Variants in MYH11 observed in about 807,000 individuals in gnomAD.
MYH11 encodes myosin heavy chain 11.
A neutral mutation model predicts 246.6 loss-of-function variants in MYH11; 80 were observed. The ratio of observed to expected loss-of-function variants is 0.32; its 90% confidence interval spans 0.27 to 0.39. MYH11 has a LOEUF of 0.39. MYH11 is among the 10% of genes least tolerant of loss of function. The pLI is 1.00. For missense variants in MYH11, 2,158 were observed against 2,546.8 expected (o/e 0.85, Z 3.29); for synonymous variants, 1,071 against 1,015.5 (o/e 1.05, Z -1.04).
rs2040650791 is a variant in MYH11 at position 15,724,533 on chromosome 16, GCTGGGGGGT to G, written c.4116+105_4116+113del. On this transcript the variant is annotated intron_variant, in intron 30 of 40. Transcript: ENST00000300036. ...TTGGAGAAACCCAATAGCAGGGGAAGCTGGGGGGTCAAGCACCATCGCACCAACACTCCA... is the reference window on the plus strand; with the variant it reads ...TTGGAGAAACCCAATAGCAGGGGAAGCAAGCACCATCGCACCAACACTCCA... 1.9e-6 allele frequency: 3 copies of G among 1,606,138 alleles called. No individual in the cohort carries two copies. In the African/African-American group the frequency reaches 4.0e-5, roughly 21 times the overall value.
At position 15,821,866 on chromosome 16, in the gene MYH11, C is replaced by T. The variant is rs577674751; in HGVS notation, c.502+1389G>A. Among the ~76,000 whole-genome samples, 15 of 147,136 alleles carry T rather than the reference C, an allele frequency of 1.0e-4. 1 individual carries two copies. The highest frequency in any genetic ancestry group is 3.5e-4 in the African/African-American group (14 of 39,822). ...CCGGGAAGCGGAGCTTGCAGTGAGC[C>T]GAGATTGCGCCACTGCAGTCCGCAG... On this transcript the variant is annotated intron_variant, in intron 3 of 40. Coordinates refer to ENST00000300036, the MANE Select transcript of MYH11 (RefSeq NM_002474.3).
At chr16:15,778,953 G>C (rs879185698) in intron 6 of MYH11, 110 bp from the exon 7 acceptor site, 3 of 1,067,450 alleles carry the variant, frequency 2.8e-6, no homozygotes, top group Non-Finnish European at 4.4e-6. Context: ...GTGGGGCGGG[G>C]AGATTCTTGC....
intron 2 of MYH11, among the ~76,000 whole-genome samples, chr16:15,837,538 CTTT>C (rs11371178): frequency 1.5e-5 from 2 of 137,240 alleles, no homozygotes; most frequent in Admixed American, 7.5e-5. Flanking sequence ...CTCCCATTTC[CTTT>C]TTTTTTTTTT....
chr16:15,774,079 T>A (rs1392081426), intron 8 of MYH11, among the ~76,000 whole-genome samples: 2 of 152,216 alleles, frequency 1.3e-5, no homozygotes. Flanking sequence ...CAAGGTCTTT[T>A]ATGGGTCAAG....
intron 37 of MYH11, 71 bp from the exon 38 acceptor site, chr16:15,717,419 T>C (rs1484449617): frequency 1.3e-6 from 2 of 1,536,968 alleles, no homozygotes; most frequent in African/African-American, 2.7e-5. Flanking sequence ...ACCATGCCTC[T>C]TCCTGCCTTG....
intron 3 of MYH11, among the ~76,000 whole-genome samples, chr16:15,801,198 T>A (rs796179298): frequency 1.4e-4 from 21 of 152,204 alleles, no homozygotes; most frequent in African/African-American, 5.1e-4. Flanking sequence ...AGAGCAAGAC[T>A]CTGTTTCAAA....
intron 1 of MYH11, among the ~76,000 whole-genome samples, chr16:15,855,907 TAA>T (rs1944383395): frequency 6.6e-6 from 1 of 152,220 alleles, no homozygotes; most frequent in Non-Finnish European, 1.5e-5. Context: ...ATACTGCAAC[TAA>T]ACACTCCCAC....
At chr16:15,803,233 G>A (rs1205855012) in intron 3 of MYH11, among the ~76,000 whole-genome samples, 1 of 151,944 alleles carries the variant, frequency 6.6e-6, no homozygotes, top group Non-Finnish European at 1.5e-5. Flanking sequence ...TCCACCCAGG[G>A]GGAGAAATTC....
At position 15,843,964 on chromosome 16, in the gene MYH11, G is replaced by A. The variant is rs543746577; in HGVS notation, c.-17-5695C>T. 2.3e-3 allele frequency among the ~76,000 whole-genome samples: 343 copies of A among 152,138 alleles called. 5 individuals carry two copies. The highest frequency in any genetic ancestry group is 8.0e-3 in the African/African-American group (331 of 41,502). On this transcript the variant is annotated intron_variant, in intron 1 of 40. Coordinates refer to ENST00000300036, the MANE Select transcript of MYH11 (RefSeq NM_002474.3). Reference sequence around the variant, plus strand: ...TGTGGAATTTTTAAGGGATGGGTCCGCCTGCCATCACCTAAATCTACTAAT... The same window carrying A: ...TGTGGAATTTTTAAGGGATGGGTCCACCTGCCATCACCTAAATCTACTAAT...
At chr16:15,718,619 G>T (rs867519003) in intron 36 of MYH11, 181 bp from the exon 37 acceptor site, 2 of 919,382 alleles carry the variant, frequency 2.2e-6, no homozygotes, top group Non-Finnish European at 3.2e-6. Flanking sequence ...CCGGGACTCA[G>T]GCCGGGTCCG....
chr16:15,715,294 G>T, intron 38 of MYH11, 22 bp from the exon 39 acceptor site: 2 of 1,613,376 alleles, frequency 1.2e-6, no homozygotes, highest in Non-Finnish European at 1.7e-6. Context: ...AAGGAAAACA[G>T]GTGGTTTCAG....
intron 25 of MYH11, among the ~76,000 whole-genome samples, chr16:15,736,377 C>G (rs547362874): frequency 6.6e-6 from 1 of 152,264 alleles, no homozygotes; most frequent in African/African-American, 2.4e-5. Context: ...CTCCTGGGCT[C>G]AAGTGATCCT....
chr16:15,761,598 G>A (rs922671051), intron 10 of MYH11, among the ~76,000 whole-genome samples: 1 of 152,138 alleles, frequency 6.6e-6, no homozygotes, highest in African/African-American at 2.4e-5. Context: ...TCTTCCTGTC[G>A]CCCGGGCTGA....
chr16:15,776,002 C>A, intron 8 of MYH11, 76 bp downstream of exon 8: 3 of 1,089,532 alleles, frequency 2.8e-6, no homozygotes, highest in Non-Finnish European at 4.3e-6. Flanking sequence ...GTTTTAATAG[C>A]CAATCCCTTA....
At position 15,821,996 on chromosome 16, in the gene MYH11, T is replaced by C. The variant is rs566018893; in HGVS notation, c.502+1259A>G. 3.0e-3 allele frequency among the ~76,000 whole-genome samples: 452 copies of C among 152,224 alleles called. 2 individuals are homozygous for C. Among genetic ancestry groups the C allele is most frequent in the African/African-American group, 9.8e-3 (407 of 41,542 alleles). ...ACAACCTGAGATTACAGCTCCAAGA[T>C]TGCCTTTGCAAGGCTCCACCTGCTG... On this transcript the variant is annotated intron_variant, in intron 3 of 40. Coordinates refer to ENST00000300036, the MANE Select transcript of MYH11 (RefSeq NM_002474.3).
At chr16:15,830,619 T>C (rs1173461690) in intron 2 of MYH11, among the ~76,000 whole-genome samples, 3 of 152,152 alleles carry the variant, frequency 2.0e-5, no homozygotes, top group Admixed American at 6.5e-5. Flanking sequence ...AGCTCACACC[T>C]GTAATTGTAG....
chr16:15,717,689 G>A (rs1216013358), intron 37 of MYH11: 1 of 394,278 alleles, frequency 2.5e-6, no homozygotes, highest in South Asian at 2.7e-5. Context: ...CCAGCTACTT[G>A]GGAGGTTGAA....
chr16:15,707,275 C>T (rs1011021704), intron 40 of MYH11, among the ~76,000 whole-genome samples: 4 of 152,130 alleles, frequency 2.6e-5, no homozygotes, highest in African/African-American at 9.7e-5. Context: ...GTTATCTGCC[C>T]GCCTCGGCCT....
At chr16:15,800,741 T>A (rs555002960) in intron 3 of MYH11, among the ~76,000 whole-genome samples, 10 of 152,082 alleles carry the variant, frequency 6.6e-5, no homozygotes, top group African/African-American at 2.4e-4. Flanking sequence ...TGATTGGATG[T>A]GGGCACGTTC....
Sources: allele counts gnomAD v4.1 joint callset (sites outside exome capture counted in the v4.1 genomes callset), GRCh38; gene constraint gnomAD v4.1.1; transcripts MANE v1.5; gene names NCBI Gene and HGNC (gene_info 2026-07-23, HGNC 2026-07-21).